Variants in CLEC12A observed in about 807,000 individuals in gnomAD.
The protein encoded by CLEC12A is C-type lectin protein CLL-1.
Under a neutral mutation model 26.5 loss-of-function variants are expected in CLEC12A, and 22 were observed. The ratio of observed to expected loss-of-function variants is 0.83; its 90% CI spans 0.59 to 1.19. The LOEUF (loss-of-function observed/expected upper bound fraction) is 1.19. CLEC12A is among the 50% of genes most tolerant of loss of function. The pLI is 0.00. For synonymous variants in CLEC12A, 119 were observed against 101.9 expected, an observed-to-expected ratio of 1.17 and a Z score of -1.01; for missense variants, 353 against 315.6, an observed-to-expected ratio of 1.12 and a Z score of -0.90.
At chr12:9,973,215 C>G (rs184227507) in intron 1 of CLEC12A, among the ~76,000 whole-genome samples, 10 of 152,046 alleles carry the variant, frequency 6.6e-5, no homozygotes, top group African/African-American at 2.4e-4. Context: ...AGTCCTAGCA[C>G]TTTGAGAGGC....
At chr12:9,993,283 C>A in intron 4 of CLEC12A, 1 of 1,603,852 alleles carries the variant, frequency 6.2e-7, no homozygotes, top group South Asian at 1.1e-5. Context: ...TCCAAAAACT[C>A]AAACCTGTGA....
upstream of CLEC12A, among the ~76,000 whole-genome samples, chr12:9,968,244 C>T (rs752350280): frequency 3.4e-4 from 51 of 152,224 alleles, no homozygotes; most frequent in Middle Eastern, 3.4e-3. Flanking sequence ...AGGGAGGTCC[C>T]CTGATCCGAG....
chr12:9,963,252 T>C (rs186534490), intron 1 of CLEC12A, among the ~76,000 whole-genome samples: 1,654 of 152,158 alleles, frequency 0.011, 21 homozygotes, highest in South Asian at 0.029. Context: ...GTTTTTGGGC[T>C]CTATCCTTGA....
At chr12:9,991,464 A>C (rs1864891523) in intron 4 of CLEC12A, 1 of 152,086 alleles carries the variant, frequency 6.6e-6, no homozygotes, top group Admixed American at 6.6e-5. Context: ...TGAGTTGCTA[A>C]TTTTGTACAG....
intron 1 of CLEC12A, among the ~76,000 whole-genome samples, chr12:9,957,781 G>A (rs1016610500): frequency 3.3e-5 from 5 of 152,210 alleles, no homozygotes; most frequent in Admixed American, 2.0e-4. Context: ...AATTTACATT[G>A]CCAGGGTGAA....
chr12:9,994,247 T>C (rs1162188185), intron 4 of CLEC12A, among the ~76,000 whole-genome samples: 2 of 151,986 alleles, frequency 1.3e-5, no homozygotes, highest in Non-Finnish European at 1.5e-5. Flanking sequence ...ACGAGTTTGA[T>C]TTGTTGGAAG....
chr12:9,975,430 T>G (rs997478067), intron 1 of CLEC12A, among the ~76,000 whole-genome samples: 1 of 152,200 alleles, frequency 6.6e-6, no homozygotes, highest in African/African-American at 2.4e-5. Context: ...TCTTGTTATG[T>G]TTTAGCAAAG....
intron 1 of CLEC12A, among the ~76,000 whole-genome samples, chr12:9,958,594 C>G (rs1863780550): frequency 6.6e-6 from 1 of 152,190 alleles, no homozygotes; most frequent in African/African-American, 2.4e-5. Flanking sequence ...AAGCCAGTGG[C>G]CTTATACAAA....
downstream of CLEC12A, among the ~76,000 whole-genome samples, chr12:9,998,684 C>T (rs982895080): frequency 1.2e-4 from 17 of 142,304 alleles, no homozygotes; most frequent in African/African-American, 4.4e-4. Flanking sequence ...GTTTTATGCT[C>T]ACCCATGCCA....
chr12:9,990,332 T>A (rs993910200), downstream of CLEC12A, among the ~76,000 whole-genome samples: 9 of 152,276 alleles, frequency 5.9e-5, no homozygotes, highest in East Asian at 1.7e-3. Context: ...TTAAAAAGAT[T>A]TGTGATTCAT....
intron 1 of CLEC12A, among the ~76,000 whole-genome samples, chr12:9,956,217 T>C (rs1219951552): frequency 6.6e-6 from 1 of 152,242 alleles, no homozygotes; most frequent in Non-Finnish European, 1.5e-5. Context: ...CCCTAGTTAC[T>C]GGATCCTTTC....
At chr12:9,959,101 A>T (rs1340627685) in intron 1 of CLEC12A, among the ~76,000 whole-genome samples, 1 of 152,190 alleles carries the variant, frequency 6.6e-6, no homozygotes. Flanking sequence ...GCATCTTGTT[A>T]CTGGGCTGGA....
downstream of CLEC12A, among the ~76,000 whole-genome samples, chr12:9,987,761 G>A (rs1015026549): frequency 4.0e-5 from 6 of 151,644 alleles, no homozygotes; most frequent in Non-Finnish European, 7.4e-5. Context: ...TTTTTGTTTT[G>A]TTTTGTTTTT....
chr12:9,960,461 G>T (rs1386008528), intron 1 of CLEC12A, among the ~76,000 whole-genome samples: 2 of 152,088 alleles, frequency 1.3e-5, no homozygotes, highest in African/African-American at 2.4e-5. Context: ...GTTCAATGTG[G>T]CCTAAAACGT....
In CLEC12A at chr12:9,971,508, T is replaced by C. The variant is rs762403820; in HGVS notation, c.-89T>C. ...TCCGTTTATAAACAGAAGTTTAAAA[T>C]TATAGGTCCTGTTTAACATTCAGCT... is the stretch of plus-strand genomic sequence containing the variant. On this transcript the variant is annotated 5_prime_UTR_variant, in exon 1 of 6. Transcript: ENST00000304361. 1.3e-6 allele frequency: 2 copies of C among 1,501,392 alleles called. No homozygotes were observed. The highest frequency in any genetic ancestry group is 1.8e-6 in the Non-Finnish European group (2 of 1,130,234). 93.0% of individuals were successfully genotyped at this position (1,501,392 alleles called of 1,614,324 possible). A position where few individuals can be genotyped will look rare whatever the true frequency, so the allele number is the denominator to read the frequency against.
the CLEC12A span, among the ~76,000 whole-genome samples, chr12:10,005,320 G>A: frequency 6.6e-6 from 1 of 152,146 alleles, no homozygotes. Context: ...ATGAAGAAAA[G>A]TGATATAATC....
upstream of CLEC12A, among the ~76,000 whole-genome samples, chr12:9,970,533 C>T (rs1395029980): frequency 6.6e-6 from 1 of 152,032 alleles, no homozygotes; most frequent in Non-Finnish European, 1.5e-5. Context: ...AAAAACAGTC[C>T]TCTCCACCCC....
At chr12:9,994,788 A>T (rs1415978937) in intron 4 of CLEC12A, among the ~76,000 whole-genome samples, 1 of 151,986 alleles carries the variant, frequency 6.6e-6, no homozygotes, top group Non-Finnish European at 1.5e-5. Context: ...TGTGAAGATA[A>T]TCAGAACAAG....
chr12:9,993,035 G>C, intron 4 of CLEC12A: 1 of 980,030 alleles, frequency 1.0e-6, no homozygotes, highest in Middle Eastern at 3.5e-4. Context: ...AATAACTCCA[G>C]TGAGAAGAAA....
Sources: gnomAD v4.1 joint callset for allele counts (sites outside exome capture counted in the v4.1 genomes callset) on GRCh38, gnomAD v4.1.1 for gene constraint, MANE v1.5 for transcripts, NCBI Gene and HGNC (gene_info 2026-07-23, HGNC 2026-07-21) for gene names.